Variants in RANBP2 observed in about 807,000 individuals in gnomAD.
RANBP2 encodes the protein E3 SUMO-protein ligase RanBP2.
In RANBP2, 57 loss-of-function variants were observed where a neutral mutation model predicts 303.6. The ratio of observed to expected loss-of-function variants is 0.19; its 90% confidence interval spans 0.15 to 0.23. The LOEUF is 0.23. RANBP2 is among the 10% of genes least tolerant of loss of function. The probability of loss-of-function intolerance (pLI) is 1.00; values close to 1 mark genes in which losing one functional copy is unlikely to be tolerated. For synonymous variants in RANBP2, 1,167 were observed against 1,301.5 expected, an observed-to-expected ratio of 0.90 and a Z score of 2.23; for missense variants, 3,138 against 3,780.8, an observed-to-expected ratio of 0.83 and a Z score of 4.46.
chr2:109,381,695 A>G, the RANBP2 span, among the ~76,000 whole-genome samples: 1 of 152,074 alleles, frequency 6.6e-6, no homozygotes, highest in Admixed American at 6.6e-5. Context: ...TAGAAAGGAC[A>G]GCTTTACTGG....
chr2:108,943,160 G>A, the RANBP2 span, among the ~76,000 whole-genome samples: 4 of 152,092 alleles, frequency 2.6e-5, no homozygotes, highest in Admixed American at 2.6e-4. Flanking sequence ...TTGTTCTACC[G>A]GTTTGAAAGA....
At chr2:109,540,957 A>C in the RANBP2 span, among the ~76,000 whole-genome samples, 1 of 152,258 alleles carries the variant, frequency 6.6e-6, no homozygotes, top group Non-Finnish European at 1.5e-5. Context: ...TTATCTAAAA[A>C]AATTGAGCAT....
chr2:108,799,040 ATTG>A, the RANBP2 span, among the ~76,000 whole-genome samples: 3 of 151,834 alleles, frequency 2.0e-5, no homozygotes, highest in Admixed American at 2.0e-4. Context: ...TATGTCTTTT[ATTG>A]TTTGTGGGGC....
the RANBP2 span, among the ~76,000 whole-genome samples, chr2:109,685,002 T>C: frequency 2.0e-5 from 3 of 151,342 alleles, no homozygotes; most frequent in African/African-American, 7.3e-5. Flanking sequence ...GCCTCCCGAG[T>C]AGCTAGGATT....
At chr2:109,643,669 G>T in the RANBP2 span, among the ~76,000 whole-genome samples, 1 of 152,116 alleles carries the variant, frequency 6.6e-6, no homozygotes, top group Non-Finnish European at 1.5e-5. Flanking sequence ...GGAGGCTGAG[G>T]CAGGAGAATC....
the RANBP2 span, among the ~76,000 whole-genome samples, chr2:109,663,158 T>G: frequency 1.3e-5 from 2 of 152,342 alleles, no homozygotes; most frequent in Non-Finnish European, 2.9e-5. Flanking sequence ...CCTGAAATGC[T>G]CCCATTGATT....
rs1344939975 is a variant in RANBP2 at position 108,726,940 on chromosome 2, A to T, written c.73-2192A>T. On this transcript the variant is annotated intron_variant, in intron 1 of 28. Coordinates refer to ENST00000283195, the MANE Select transcript of RANBP2 (RefSeq NM_006267.5). The stretch of plus-strand genomic sequence containing the variant: ...ACACAGCACATGTTTCAGAGAGCAC[A>T]GGGTTGGGGGTAAGGTCACAGATCA... Among the ~76,000 whole-genome samples, 5 of 152,184 alleles carry T rather than the reference A, an allele frequency of 3.3e-5. No individual in the cohort carries two copies. The East Asian group carries it at 9.6e-4, about 29-fold the overall frequency.
chr2:109,365,597 A>T, the RANBP2 span, among the ~76,000 whole-genome samples: 1 of 152,090 alleles, frequency 6.6e-6, no homozygotes, highest in African/African-American at 2.4e-5. Flanking sequence ...CCTGTTAGCT[A>T]TTGAATGGTG....
chr2:109,405,997 G>A, the RANBP2 span, among the ~76,000 whole-genome samples: 1 of 152,314 alleles, frequency 6.6e-6, no homozygotes, highest in African/African-American at 2.4e-5. Context: ...AACTCCCGCA[G>A]GCCCGGCTGC....
At chr2:108,719,820 G>C in intron 1 of RANBP2, 142 bp downstream of exon 1, 1 of 1,448,652 alleles carries the variant, frequency 6.9e-7, no homozygotes, top group Non-Finnish European at 9.0e-7. Flanking sequence ...TCCTGTGGGC[G>C]GCGTGGCGCT....
At chr2:108,980,039 C>T in the RANBP2 span, among the ~76,000 whole-genome samples, 115,135 of 148,780 alleles carry the variant, frequency 0.77, 45,891 homozygotes, top group South Asian at 0.87. Context: ...GTATCAGTGA[C>T]CATGGACACA....
chr2:109,017,889 T>C, the RANBP2 span, among the ~76,000 whole-genome samples: 2 of 152,158 alleles, frequency 1.3e-5, no homozygotes, highest in East Asian at 3.9e-4. Context: ...ACGGCAATCC[T>C]CACTGTTATG....
At chr2:109,625,804 A>G in the RANBP2 span, among the ~76,000 whole-genome samples, 4 of 152,250 alleles carry the variant, frequency 2.6e-5, no homozygotes, top group Non-Finnish European at 5.9e-5. Flanking sequence ...TGTATACAAA[A>G]TGTAAAAACA....
the RANBP2 span, among the ~76,000 whole-genome samples, chr2:109,418,994 A>G: frequency 1.3e-5 from 2 of 152,136 alleles, no homozygotes; most frequent in Non-Finnish European, 1.5e-5. Flanking sequence ...TCCTCGGGTC[A>G]TCTCCTTGCT....
intron 1 of RANBP2, among the ~76,000 whole-genome samples, chr2:108,720,658 A>G (rs1374480583): frequency 6.6e-6 from 1 of 152,232 alleles, no homozygotes; most frequent in Admixed American, 6.5e-5. Flanking sequence ...TAACATTAAT[A>G]GAATTTGATA....
At chr2:109,257,025 T>C in the RANBP2 span, among the ~76,000 whole-genome samples, 1 of 152,330 alleles carries the variant, frequency 6.6e-6, no homozygotes, top group Non-Finnish European at 1.5e-5. Context: ...GTCACATTGC[T>C]GCCCTGGACT....
chr2:109,046,513 T>C, the RANBP2 span, among the ~76,000 whole-genome samples: 1 of 150,754 alleles, frequency 6.6e-6, no homozygotes, highest in Admixed American at 6.6e-5. Context: ...TTCAAGCGAT[T>C]CTCCTGCCTC....
chr2:109,148,460 C>A, the RANBP2 span, among the ~76,000 whole-genome samples: 1 of 152,136 alleles, frequency 6.6e-6, no homozygotes, highest in African/African-American at 2.4e-5. Context: ...GTAGCTCAAA[C>A]TGTGTACAAA....
chr2:109,266,336 G>GTGTA, the RANBP2 span, among the ~76,000 whole-genome samples: 1 of 152,038 alleles, frequency 6.6e-6, no homozygotes, highest in South Asian at 2.1e-4. Context: ...TGTGTTGTGT[G>GTGTA]TGTATGTATG....
Sources: allele counts gnomAD v4.1 joint callset (sites outside exome capture counted in the v4.1 genomes callset), GRCh38; gene constraint gnomAD v4.1.1; transcripts MANE v1.5; gene names NCBI Gene and HGNC (gene_info 2026-07-23, HGNC 2026-07-21).